The following CSRNP3 variants were observed in gnomAD, a reference collection of about 807,000 sequenced individuals.
CSRNP3 encodes cysteine/serine-rich nuclear protein 3.
A neutral mutation model predicts 48.0 loss-of-function variants in CSRNP3; 12 were observed. The observed-to-expected ratio is 0.25, with a 90% CI of 0.16 to 0.41. The LOEUF (loss-of-function observed/expected upper bound fraction) is 0.41. CSRNP3 is among the 10% of genes least tolerant of loss of function. The pLI is 1.00. For missense variants in CSRNP3, 580 were observed against 724.4 expected, an observed-to-expected ratio of 0.80 and a Z score of 2.29; for synonymous variants, 263 against 269.7, an observed-to-expected ratio of 0.98 and a Z score of 0.24.
intron 4 of CSRNP3, among the ~76,000 whole-genome samples, chr2:165,634,353 A>G (rs1470280513): frequency 1.3e-5 from 2 of 152,212 alleles, no homozygotes; most frequent in African/African-American, 2.4e-5. Flanking sequence ...AAAAGAAAAA[A>G]AACACACACA....
At chr2:165,595,660 A>G (rs1040267424) in intron 4 of CSRNP3, among the ~76,000 whole-genome samples, 4 of 152,190 alleles carry the variant, frequency 2.6e-5, no homozygotes, top group African/African-American at 9.7e-5. Flanking sequence ...TTAAGCAGAA[A>G]TGTGAAGGCA....
chr2:165,483,019 T>C (rs1005499414), intron 1 of CSRNP3, among the ~76,000 whole-genome samples: 1 of 149,466 alleles, frequency 6.7e-6, no homozygotes, highest in African/African-American at 2.5e-5. Flanking sequence ...AGAGAGAACA[T>C]ACGTATATGT....
intron 3 of CSRNP3, among the ~76,000 whole-genome samples, chr2:165,561,049 G>A (rs1303582548): frequency 1.3e-5 from 2 of 152,108 alleles, no homozygotes; most frequent in Non-Finnish European, 2.9e-5. Flanking sequence ...CATACAAAAG[G>A]AAGTACTTTA....
At chr2:165,503,260 G>A (rs984615267) in intron 2 of CSRNP3, among the ~76,000 whole-genome samples, 6 of 151,536 alleles carry the variant, frequency 4.0e-5, no homozygotes, top group Non-Finnish European at 8.9e-5. Context: ...AATTTTATTG[G>A]CATATTGTGT....
chr2:165,607,387 G>C (rs1368415168), intron 4 of CSRNP3, among the ~76,000 whole-genome samples: 2 of 152,102 alleles, frequency 1.3e-5, no homozygotes, highest in African/African-American at 4.8e-5. Context: ...TGTTCACAGT[G>C]ATAACCAAGT....
intron 3 of CSRNP3, among the ~76,000 whole-genome samples, chr2:165,588,138 A>G (rs183438514): frequency 9.6e-4 from 146 of 152,356 alleles, no homozygotes; most frequent in African/African-American, 3.4e-3. Context: ...TGCTATGAAA[A>G]TAAATTAAAA....
Position 165,595,164 on chromosome 2 carries a change from T to C in CSRNP3, c.99T>C (p.Ser33=), listed in dbSNP as rs777098791. 1.9e-6 allele frequency: 3 copies of C among 1,614,206 alleles called. No homozygotes were observed. The highest frequency in any genetic ancestry group is 4.5e-5 in the East Asian group (2 of 44,884). Residue 33 remains serine (S), a synonymous_variant, in exon 4 of 7, where the codon AGT becomes AGC. Coordinates refer to ENST00000651982, the MANE Select transcript of CSRNP3 (RefSeq NM_001172173.2). ...ESDDEVSSSE[S]ADSGDSVNPS... ...ATGATGAAGTTTCCAGCAGTGAAAG[T>C]GCTGACAGTGGGGACAGTGTCAATC...
In CSRNP3 at chr2:165,499,403, T is replaced by G. The variant is rs189314280; in HGVS notation, c.-113+4475T>G. On this transcript the variant is annotated intron_variant, in intron 2 of 6. Coordinates refer to ENST00000651982, the MANE Select transcript of CSRNP3 (RefSeq NM_001172173.2). The stretch of plus-strand genomic sequence containing the variant: ...TGCAGGAAGGAATTAAACATGGTTC[T>G]GCTTAAAAGAAAAAAAGAGAGAGAG... 3.3e-5 allele frequency among the ~76,000 whole-genome samples: 5 copies of G among 152,270 alleles called. No homozygotes were observed. The East Asian group carries it at 9.6e-4, about 29-fold the overall frequency.
At chr2:165,612,832 G>A (rs555056666) in intron 4 of CSRNP3, among the ~76,000 whole-genome samples, 2 of 152,046 alleles carry the variant, frequency 1.3e-5, no homozygotes, top group South Asian at 4.2e-4. Flanking sequence ...ATCTGTTGAT[G>A]GACAATTAGG....
chr2:165,523,624 CT>C (rs1374871330), intron 3 of CSRNP3, among the ~76,000 whole-genome samples: 2 of 152,152 alleles, frequency 1.3e-5, no homozygotes, highest in African/African-American at 2.4e-5. Context: ...TCACTGCTCC[CT>C]CTTGATTTCC....
intron 2 of CSRNP3, among the ~76,000 whole-genome samples, chr2:165,517,409 G>A (rs1034917107): frequency 6.6e-6 from 1 of 151,722 alleles, no homozygotes; most frequent in Non-Finnish European, 1.5e-5. Flanking sequence ...TTTCCTTTAA[G>A]CAAATCAAAC....
In CSRNP3 at chr2:165,472,462, A is replaced by G. The variant is rs539221981; in HGVS notation, c.-283+2722A>G. 7.2e-5 allele frequency among the ~76,000 whole-genome samples: 11 copies of G among 152,130 alleles called. No individual in the cohort carries two copies. The East Asian group carries it at 1.9e-3, about 27-fold the overall frequency. ...ACATTTTTGCTTTCTTTGAAAATAAACATTACTTTTATGTAGCTTTTCTCT... is the reference window on the plus strand; with the variant it reads ...ACATTTTTGCTTTCTTTGAAAATAAGCATTACTTTTATGTAGCTTTTCTCT... On this transcript the variant is annotated intron_variant, in intron 1 of 6. Transcript: ENST00000651982.
intron 6 of CSRNP3, among the ~76,000 whole-genome samples, chr2:165,678,318 T>C (rs934393978): frequency 6.6e-6 from 1 of 151,740 alleles, no homozygotes; most frequent in African/African-American, 2.4e-5. Context: ...AGAGCTGGGG[T>C]GCAGCAGAAA....
intron 3 of CSRNP3, among the ~76,000 whole-genome samples, chr2:165,568,746 G>T (rs1401533262): frequency 1.3e-5 from 2 of 151,978 alleles, no homozygotes; most frequent in African/African-American, 2.4e-5. Flanking sequence ...TGGCTGAAAA[G>T]AATTGCAAAG....
rs764686470 is a variant in CSRNP3, at chr2:165,595,183, G to T, written c.118G>T (p.Val40Phe). 1 of 1,614,136 alleles carries T rather than the reference G, an allele frequency of 6.2e-7. No homozygotes were observed. The highest frequency in any genetic ancestry group is 8.5e-7 in the Non-Finnish European group (1 of 1,179,988). The change falls in exon 4 of 7, where the codon GTC becomes TTC. Residue 40 changes from valine to phenylalanine, a missense_variant. Val to Phe is a conservative substitution (Grantham distance 50, BLOSUM62 -1). Around this residue, in one of 4 missense-constraint regions of CSRNP3, gnomAD observed 83 missense variants for 139.6 expected, o/e 0.59. Coordinates refer to ENST00000651982, the MANE Select transcript of CSRNP3 (RefSeq NM_001172173.2). ...TGAAAGTGCTGACAGTGGGGACAGT[G>T]TCAATCCATCCACTTCTAGTCATTT... ...SSESADSGDS[V>F]NPSTSSHFTP...
intron 2 of CSRNP3, among the ~76,000 whole-genome samples, chr2:165,507,636 A>G (rs1410387180): frequency 6.6e-6 from 1 of 152,134 alleles, no homozygotes; most frequent in Non-Finnish European, 1.5e-5. Flanking sequence ...TCACATTGGC[A>G]TTACGTACTC....
intron 5 of CSRNP3, among the ~76,000 whole-genome samples, chr2:165,670,204 T>A (rs1687305726): frequency 6.6e-6 from 1 of 152,142 alleles, no homozygotes; most frequent in Non-Finnish European, 1.5e-5. Flanking sequence ...GCTACTCTAT[T>A]TTCAGATTTG....
At chr2:165,485,021 A>G (rs115679010) in intron 1 of CSRNP3, among the ~76,000 whole-genome samples, 1,557 of 152,228 alleles carry the variant, frequency 0.01, 20 homozygotes, top group African/African-American at 0.035. Flanking sequence ...CTGTGTCTTA[A>G]TCAGTTCTGG....
At chr2:165,546,423 C>A (rs1364967713) in intron 3 of CSRNP3, among the ~76,000 whole-genome samples, 1 of 152,046 alleles carries the variant, frequency 6.6e-6, no homozygotes, top group Non-Finnish European at 1.5e-5. Flanking sequence ...GAATTCCTGA[C>A]CTTGTGATCC....
Sources: gnomAD v4.1 joint callset for allele counts (sites outside exome capture counted in the v4.1 genomes callset) on GRCh38, gnomAD v4.1.1 for gene constraint, gnomAD v4.1.1 regional missense constraint, MANE v1.5 for transcripts, NCBI Gene and HGNC (gene_info 2026-07-23, HGNC 2026-07-21) for gene names.